The following MDFIC variants were observed in gnomAD, a reference collection of about 807,000 sequenced individuals.
MDFIC encodes MyoD family inhibitor domain containing.
In MDFIC, 17 loss-of-function variants were observed where a neutral mutation model predicts 23.2. The ratio of observed to expected loss-of-function variants is 0.73; its 90% confidence interval spans 0.50 to 1.10. MDFIC has a LOEUF of 1.10. Ranked by LOEUF, MDFIC falls within the 50% of genes least tolerant of loss-of-function variation. The probability of loss-of-function intolerance (pLI) is 0.00; values close to 1 mark genes in which losing one functional copy is unlikely to be tolerated. For synonymous variants in MDFIC, 120 were observed against 115.2 expected, an observed-to-expected ratio of 1.04 and a Z score of -0.27; for missense variants, 356 against 316.6, an observed-to-expected ratio of 1.12 and a Z score of -0.95.
chr7:114,965,992 G>A (rs941458141), intron 3 of MDFIC, among the ~76,000 whole-genome samples: 2 of 152,202 alleles, frequency 1.3e-5, no homozygotes, highest in Non-Finnish European at 1.5e-5. Flanking sequence ...TATATGTACA[G>A]TATGCCAAAA....
intron 3 of MDFIC, among the ~76,000 whole-genome samples, chr7:114,954,233 G>C (rs1189579155): frequency 6.6e-6 from 1 of 152,160 alleles, no homozygotes; most frequent in Non-Finnish European, 1.5e-5. Context: ...ATTTCTCCCT[G>C]TCCTTTTCCT....
chr7:114,922,406 G>C lies in MDFIC; in HGVS notation c.-338G>C. The C allele has an allele frequency of 8.1e-7, 1 of 1,238,662 alleles. No individual in the cohort carries two copies. Among genetic ancestry groups the C allele is most frequent in the Non-Finnish European group, 1.0e-6 (1 of 989,284 alleles). The allele number at this position is 1,238,662 out of a possible 1,614,324, so 76.7% of individuals were successfully genotyped here. On this transcript the variant is annotated 5_prime_UTR_variant, in exon 1 of 5. Transcript: ENST00000393486. Reference sequence around the variant, plus strand: ...CCGGCTGGAGTGAGCTGGCTGGAAAGAGGGGGCGGAGTGCGCGGAGTCAGA... The same window carrying C: ...CCGGCTGGAGTGAGCTGGCTGGAAACAGGGGGCGGAGTGCGCGGAGTCAGA...
At chr7:114,974,271 T>C (rs767002943) in intron 3 of MDFIC, among the ~76,000 whole-genome samples, 10 of 147,322 alleles carry the variant, frequency 6.8e-5, no homozygotes, top group Non-Finnish European at 1.3e-4. Flanking sequence ...GTTGTATATA[T>C]GCAAATAATT....
In MDFIC at chr7:114,974,095, C is replaced by A. The variant is rs546751189; in HGVS notation, c.218-5411C>A. On this transcript the variant is annotated intron_variant, in intron 3 of 4. Coordinates refer to ENST00000393486, the MANE Select transcript of MDFIC (RefSeq NM_001166345.3). ...GGGATATAGGGTCCATGTAGGGTCT[C>A]CATATTGAGGAAGATTTGGATCAAG... Among the ~76,000 whole-genome samples the A allele has an allele frequency of 2.0e-5, 3 of 152,064 alleles. No homozygotes were observed. The East Asian group carries it at 5.8e-4, about 29-fold the overall frequency.
chr7:114,968,580 G>A (rs924866524), intron 3 of MDFIC, among the ~76,000 whole-genome samples: 10 of 152,252 alleles, frequency 6.6e-5, no homozygotes, highest in African/African-American at 2.4e-4. Context: ...AAGATAATTA[G>A]CACCATCCCA....
chr7:114,975,794 G>C (rs1296625429), intron 3 of MDFIC, among the ~76,000 whole-genome samples: 1 of 151,860 alleles, frequency 6.6e-6, no homozygotes, highest in Non-Finnish European at 1.5e-5. Context: ...TGTATTTAAG[G>C]CTTATCCAGT....
At chr7:114,935,372 G>C (rs60494801) in intron 2 of MDFIC, among the ~76,000 whole-genome samples, 1 of 151,948 alleles carries the variant, frequency 6.6e-6, no homozygotes, top group Non-Finnish European at 1.5e-5. Context: ...TAAACACAAA[G>C]AGAACTAGTT....
At chr7:114,981,867 AG>A (rs1285592944) in intron 4 of MDFIC, among the ~76,000 whole-genome samples, 1 of 152,198 alleles carries the variant, frequency 6.6e-6, no homozygotes, top group Non-Finnish European at 1.5e-5. Context: ...TCAGTTTTGA[AG>A]TTATGTTTAT....
At chr7:114,971,106 ATGAAG>A (rs1793196075) in intron 3 of MDFIC, among the ~76,000 whole-genome samples, 1 of 152,214 alleles carries the variant, frequency 6.6e-6, no homozygotes, top group Non-Finnish European at 1.5e-5. Context: ...ACTAGTTAGA[ATGAAG>A]TGTATTGTTT....
At chr7:114,953,367 T>C (rs1034179957) in intron 3 of MDFIC, among the ~76,000 whole-genome samples, 1 of 152,206 alleles carries the variant, frequency 6.6e-6, no homozygotes, top group Non-Finnish European at 1.5e-5. Context: ...TGGAATAATA[T>C]TGATTTTTGC....
At chr7:114,939,267 T>C (rs1468428080) in intron 2 of MDFIC, among the ~76,000 whole-genome samples, 4 of 152,214 alleles carry the variant, frequency 2.6e-5, no homozygotes, top group Non-Finnish European at 5.9e-5. Flanking sequence ...ATTTTTTTAT[T>C]GGGAACCTTT....
chr7:114,989,546 T>A (rs778549001), intron 4 of MDFIC, among the ~76,000 whole-genome samples: 1 of 152,224 alleles, frequency 6.6e-6, no homozygotes, highest in Admixed American at 6.5e-5. Context: ...TAATGATACC[T>A]TCTTGACAAA....
At chr7:114,952,406 G>A (rs1792795359) in intron 3 of MDFIC, among the ~76,000 whole-genome samples, 1 of 140,788 alleles carries the variant, frequency 7.1e-6, no homozygotes, top group African/African-American at 2.5e-5. Context: ...ATCAGTACCT[G>A]ATTTGCTCCA....
chr7:114,979,790 G>T lies in MDFIC; in HGVS notation c.493+9G>T. The T allele has an allele frequency of 6.2e-7, 1 of 1,611,382 alleles. No individual in the cohort carries two copies. Among genetic ancestry groups the T allele is most frequent in the South Asian group, 1.1e-5 (1 of 90,894 alleles). ...AGGCTCTTCACCTGAAGGTAAGTTT[G>T]AGATATATGTAGATTTTATTTGACC... On this transcript the variant is annotated intron_variant, in intron 4 of 4. Coordinates refer to ENST00000393486, the MANE Select transcript of MDFIC (RefSeq NM_001166345.3).
Position 115,015,793 on chromosome 7 carries a change from G to A in MDFIC, c.599G>A (p.Cys200Tyr). 6.2e-7 allele frequency: 1 copy of A among 1,614,206 alleles called. No homozygotes were observed. The highest frequency in any genetic ancestry group is 8.5e-7 in the Non-Finnish European group (1 of 1,180,042). Residue 200 changes from cysteine (C) to tyrosine (Y), a missense_variant, in exon 5 of 5, where the codon TGC becomes TAC. Coordinates refer to ENST00000393486, the MANE Select transcript of MDFIC (RefSeq NM_001166345.3). ...ASCGICTSEACCCCCGDEMGD... is the reference protein window; with the variant it reads ...ASCGICTSEAYCCCCGDEMGD... ...TGTGGCATCTGCACCTCAGAAGCCT[G>A]CTGCTGTTGCTGTGGTGACGAGATG...
chr7:114,956,321 G>A (rs1011472190), intron 3 of MDFIC, among the ~76,000 whole-genome samples: 2 of 150,964 alleles, frequency 1.3e-5, no homozygotes, highest in Non-Finnish European at 2.9e-5. Context: ...CAGTTCTTGG[G>A]CTTAATACAT....
intron 3 of MDFIC, among the ~76,000 whole-genome samples, chr7:114,949,095 A>C (rs1240778043): frequency 6.6e-6 from 1 of 152,154 alleles, no homozygotes; most frequent in African/African-American, 2.4e-5. Context: ...TTGTCTTATT[A>C]TTATCATTAA....
chr7:115,013,817 C>A (rs1233545589), intron 4 of MDFIC, among the ~76,000 whole-genome samples: 5 of 152,142 alleles, frequency 3.3e-5, no homozygotes, highest in Non-Finnish European at 7.4e-5. Context: ...ACCACGGACA[C>A]TGTCTAGAAA....
intron 3 of MDFIC, among the ~76,000 whole-genome samples, chr7:114,960,524 A>G (rs1033995583): frequency 6.6e-6 from 1 of 152,156 alleles, no homozygotes; most frequent in Admixed American, 6.5e-5. Flanking sequence ...ATTTCTACAT[A>G]TGAGGAAATG....
Sources: gnomAD v4.1 joint callset for allele counts (sites outside exome capture counted in the v4.1 genomes callset) on GRCh38, gnomAD v4.1.1 for gene constraint, MANE v1.5 for transcripts, NCBI Gene and HGNC (gene_info 2026-07-23, HGNC 2026-07-21) for gene names.